DLEU7: variants seen among roughly 807,000 people sequenced by gnomAD.
The protein encoded by DLEU7 is deleted in lymphocytic leukemia 7, also known as leukemia-associated protein 7.
Under a neutral mutation model 16.0 loss-of-function variants are expected in DLEU7, and 17 were observed. The observed-to-expected ratio is 1.06, with a 90% CI of 0.73 to 1.59. The LOEUF is 1.59. DLEU7 is among the 40% of genes most tolerant of loss of function. DLEU7 has a pLI of 0.00. For missense variants in DLEU7, 308 were observed against 314.9 expected, an observed-to-expected ratio of 0.98 and a Z score of 0.17; for synonymous variants, 113 against 139.8, an observed-to-expected ratio of 0.81 and a Z score of 1.35.
At chr13:50,732,745 A>T (rs1346536342) in intron 1 of DLEU7, among the ~76,000 whole-genome samples, 1 of 152,164 alleles carries the variant, frequency 6.6e-6, no homozygotes, top group Non-Finnish European at 1.5e-5. Context: ...TTCAAAATGA[A>T]TTCTATTAGA....
intron 1 of DLEU7, among the ~76,000 whole-genome samples, chr13:50,728,897 G>C (rs958118784): frequency 1.3e-5 from 2 of 152,010 alleles, no homozygotes; most frequent in Non-Finnish European, 2.9e-5. Context: ...CTTTACCACT[G>C]TCTCCCCTCC....
At chr13:50,820,078 A>G (rs1219452437), downstream of DLEU7, among the ~76,000 whole-genome samples, 4 of 152,298 alleles carry the variant, frequency 2.6e-5, no homozygotes, top group South Asian at 8.3e-4. Flanking sequence ...GGGAATAGTC[A>G]GCCGCATCAA....
chr13:50,721,520 T>C (rs1437736225), intron 1 of DLEU7, among the ~76,000 whole-genome samples: 1 of 152,024 alleles, frequency 6.6e-6, no homozygotes, highest in Non-Finnish European at 1.5e-5. Flanking sequence ...TCATAATATA[T>C]ATGACAGATT....
At chr13:50,820,600 A>C (rs1475392559), downstream of DLEU7, among the ~76,000 whole-genome samples, 1 of 152,150 alleles carries the variant, frequency 6.6e-6, no homozygotes, top group African/African-American at 2.4e-5. Context: ...GTCCCTGTGC[A>C]ATCAGAAGCA....
Position 50,823,370 on chromosome 13 carries a change from G to T in DLEU7, c.610C>A (p.His204Asn). The change falls in exon 2 of 2, where the codon CAC (histidine) becomes AAC (asparagine). Residue 204 changes from histidine to asparagine, a missense_variant. Transcript: ENST00000504404. ...CTCAAGGAAGCACAGGCTACCATGT[G>T]GGCATCTGAAGGAAAATTAGCAAGT... ...QSLANFPSDA[H>N]MVACASLRQI... 1 of 1,535,834 alleles carries T rather than the reference G, an allele frequency of 6.5e-7. No individual in the cohort carries two copies. The highest frequency in any genetic ancestry group is 8.7e-7 in the Non-Finnish European group (1 of 1,146,686).
At chr13:50,715,057 T>C (rs1416526787) in intron 1 of DLEU7, among the ~76,000 whole-genome samples, 2 of 152,156 alleles carry the variant, frequency 1.3e-5, no homozygotes, top group African/African-American at 4.8e-5. Context: ...CCTGATGGAC[T>C]GAGGTCCCTG....
intron 1 of DLEU7, among the ~76,000 whole-genome samples, chr13:50,775,208 T>A (rs977753088): frequency 6.6e-6 from 1 of 152,002 alleles, no homozygotes; most frequent in Non-Finnish European, 1.5e-5. Flanking sequence ...TTATGGAGAC[T>A]GGATTCTGTT....
chr13:50,782,313 GT>G (rs1875672717), intron 1 of DLEU7, among the ~76,000 whole-genome samples: 1 of 152,208 alleles, frequency 6.6e-6, no homozygotes, highest in Admixed American at 6.5e-5. Context: ...AATCAGACAT[GT>G]GCATATGTTG....
intron 1 of DLEU7, among the ~76,000 whole-genome samples, chr13:50,717,304 CACAG>C (rs1366333020): frequency 6.6e-6 from 1 of 152,092 alleles, no homozygotes; most frequent in East Asian, 1.9e-4. Context: ...GGATGCTGGA[CACAG>C]ATGGTAAGTG....
At chr13:50,720,266 A>C (rs1376877824) in intron 1 of DLEU7, among the ~76,000 whole-genome samples, 1 of 152,152 alleles carries the variant, frequency 6.6e-6, no homozygotes, top group Non-Finnish European at 1.5e-5. Context: ...GCATAGATAC[A>C]ACCTCAAATA....
At position 50,804,856 on chromosome 13, in the gene DLEU7, T is replaced by C. The variant is rs73497513; in HGVS notation, c.459+38332A>G. Among the ~76,000 whole-genome samples the C allele has an allele frequency of 3.8e-3, 564 of 149,924 alleles. 5 individuals carry two copies. Among genetic ancestry groups the C allele is most frequent in the African/African-American group, 0.013 (526 of 39,604 alleles). On this transcript the variant is annotated intron_variant, in intron 1 of 1. Transcript: ENST00000400393. Reference sequence around the variant, plus strand: ...TTCTTCTATTATGCCTTTTTTATTTTAATATAGGAAGGATGATGATTGTAT... The same window carrying C: ...TTCTTCTATTATGCCTTTTTTATTTCAATATAGGAAGGATGATGATTGTAT...
chr13:50,842,325 G>T (rs1877692150), intron 1 of DLEU7, among the ~76,000 whole-genome samples: 1 of 152,102 alleles, frequency 6.6e-6, no homozygotes, highest in African/African-American at 2.4e-5. Flanking sequence ...CCTTCTGCTA[G>T]ATGCCCCAGG....
chr13:50,732,454 C>CA (rs1305146361), intron 1 of DLEU7, among the ~76,000 whole-genome samples: 1 of 151,746 alleles, frequency 6.6e-6, no homozygotes, highest in East Asian at 1.9e-4. Flanking sequence ...AATAAAAATA[C>CA]AAAAAATTAG....
At chr13:50,843,770 G>A (rs1054734908), upstream of DLEU7, 2 of 1,314,306 alleles carry the variant, frequency 1.5e-6, no homozygotes, top group Non-Finnish European at 2.0e-6. This position sits in a 1 kb window ranked among gnomAD's most constrained non-coding sequence, Gnocchi z 5.7. Flanking sequence ...GGGTCTCACA[G>A]CGTGTGTGGT....
chr13:50,815,360 A>G (rs1876700242), intron 1 of DLEU7, among the ~76,000 whole-genome samples: 1 of 152,172 alleles, frequency 6.6e-6, no homozygotes, highest in Non-Finnish European at 1.5e-5. Flanking sequence ...TTAAACCTAT[A>G]TATCAGTCTA....
intron 1 of DLEU7, among the ~76,000 whole-genome samples, chr13:50,775,088 C>G (rs988362162): frequency 2.6e-5 from 4 of 151,566 alleles, no homozygotes; most frequent in Non-Finnish European, 5.9e-5. Flanking sequence ...TCTCGTTATT[C>G]TGTAGGTCTC....
chr13:50,735,911 T>A (rs1874057228), intron 1 of DLEU7, among the ~76,000 whole-genome samples: 2 of 151,936 alleles, frequency 1.3e-5, no homozygotes. Context: ...TTGGTGGGAG[T>A]GTAAATTAGT....
chr13:50,714,407 A>G (rs1467633878), intron 1 of DLEU7, among the ~76,000 whole-genome samples: 1 of 152,250 alleles, frequency 6.6e-6, no homozygotes, highest in Non-Finnish European at 1.5e-5. Context: ...TTAGAATGTT[A>G]AACCTAAAAC....
chr13:50,740,408 TAAACCTG>T (rs1377335094), intron 1 of DLEU7, among the ~76,000 whole-genome samples: 1 of 152,198 alleles, frequency 6.6e-6, no homozygotes, highest in Admixed American at 6.6e-5. Flanking sequence ...TCTCTGTGAC[TAAACCTG>T]AATTTCAATT....
Sources: allele counts gnomAD v4.1 joint callset (sites outside exome capture counted in the v4.1 genomes callset), GRCh38; gene constraint gnomAD v4.1.1; non-coding constraint Gnocchi (gnomAD v3.1); transcripts MANE v1.5; gene names NCBI Gene and HGNC (gene_info 2026-07-23, HGNC 2026-07-21).